ABCD3: variants seen among roughly 807,000 people sequenced by gnomAD.
ABCD3 encodes ATP binding cassette subfamily D member 3.
In ABCD3, 41 loss-of-function variants were observed where a neutral mutation model predicts 105.5. The observed-to-expected ratio is 0.39, with a 90% CI of 0.30 to 0.50. The LOEUF (loss-of-function observed/expected upper bound fraction) is 0.50. Among genes scored for constraint, ABCD3 ranks in the 20% least tolerant of loss-of-function variants. The pLI is 0.84. For synonymous variants in ABCD3, 258 were observed against 269.0 expected, an observed-to-expected ratio of 0.96 and a Z score of 0.40; for missense variants, 622 against 806.3, an observed-to-expected ratio of 0.77 and a Z score of 2.77.
At chr1:94,396,322 C>A in the ABCD3 span, among the ~76,000 whole-genome samples, 1 of 152,150 alleles carries the variant, frequency 6.6e-6, no homozygotes, top group Non-Finnish European at 1.5e-5. Context: ...TAAACAGAAG[C>A]TGTAATTATT....
At chr1:94,400,153 AC>A in the ABCD3 span, among the ~76,000 whole-genome samples, 1 of 152,292 alleles carries the variant, frequency 6.6e-6, no homozygotes, top group South Asian at 2.1e-4. Context: ...CCTGCCTGTA[AC>A]CCCAGCACTT....
intron 4 of ABCD3, among the ~76,000 whole-genome samples, chr1:94,469,926 A>C (rs1648370697): frequency 6.6e-6 from 1 of 151,938 alleles, no homozygotes; most frequent in East Asian, 1.9e-4. Flanking sequence ...CGGCCTCCCA[A>C]AGTGCTGGGT....
At chr1:94,390,451 C>T in the ABCD3 span, among the ~76,000 whole-genome samples, 17 of 152,052 alleles carry the variant, frequency 1.1e-4, no homozygotes, top group African/African-American at 2.9e-4. Context: ...TATAGGTGCA[C>T]GCTGCCAAGC....
the ABCD3 span, among the ~76,000 whole-genome samples, chr1:94,390,211 C>T: frequency 0.036 from 5,415 of 152,210 alleles, 116 homozygotes; most frequent in Non-Finnish European, 0.048. Context: ...TTACCATGGT[C>T]CATAGAGTTC....
intron 4 of ABCD3, among the ~76,000 whole-genome samples, chr1:94,470,214 T>A (rs1648383369): frequency 1.3e-5 from 2 of 152,238 alleles, no homozygotes; most frequent in African/African-American, 4.8e-5. Flanking sequence ...ATAATTTAGC[T>A]ATGTTTGTGC....
chr1:94,409,507 C>A, the ABCD3 span, among the ~76,000 whole-genome samples: 1 of 152,068 alleles, frequency 6.6e-6, no homozygotes, highest in Non-Finnish European at 1.5e-5. Context: ...TTAATTTAGA[C>A]CCACATTGTA....
Position 94,482,990 on chromosome 1 carries a change from G to A in ABCD3, c.828-180G>A, listed in dbSNP as rs77743243. On this transcript the variant is annotated intron_variant, in intron 9 of 22. Coordinates refer to ENST00000370214, the MANE Select transcript of ABCD3 (RefSeq NM_002858.4). Reference sequence around the variant, plus strand: ...AGTCAGGAGTGTATTCCTGTGCTCCGATCAGCTGAGCTAGGAACAGAATCT... The same window carrying A: ...AGTCAGGAGTGTATTCCTGTGCTCCAATCAGCTGAGCTAGGAACAGAATCT... The A allele has an allele frequency of 9.2e-4, 560 of 605,456 alleles. No individual in the cohort carries two copies. In the African/African-American group the frequency reaches 9.5e-3, roughly 10 times the overall value. 37.5% of individuals were successfully genotyped at this position (605,456 alleles called of 1,614,324 possible). A position where few individuals can be genotyped will look rare whatever the true frequency, so the allele number is the denominator to read the frequency against.
At chr1:94,461,935 A>G (rs1483660083) in intron 2 of ABCD3, among the ~76,000 whole-genome samples, 1 of 152,174 alleles carries the variant, frequency 6.6e-6, no homozygotes, top group Non-Finnish European at 1.5e-5. Flanking sequence ...ATGTATAGGA[A>G]TACTTATACT....
chr1:94,463,023 T>C (rs1647953157), intron 2 of ABCD3, among the ~76,000 whole-genome samples: 1 of 152,214 alleles, frequency 6.6e-6, no homozygotes, highest in Non-Finnish European at 1.5e-5. Context: ...AACTGGACTG[T>C]GAGTGGGGCT....
At chr1:94,495,285 TA>T (rs1649743449) in intron 16 of ABCD3, among the ~76,000 whole-genome samples, 1 of 152,198 alleles carries the variant, frequency 6.6e-6, no homozygotes, top group Non-Finnish European at 1.5e-5. Flanking sequence ...TTGGGGGGTA[TA>T]TTTTTATTGG....
chr1:94,503,160 G>A (rs1326566243), intron 20 of ABCD3, among the ~76,000 whole-genome samples: 24 of 152,072 alleles, frequency 1.6e-4, no homozygotes, highest in Admixed American at 1.6e-3. Context: ...CCAAAAAATT[G>A]GACACTCCTG....
In ABCD3 at chr1:94,499,481, C is replaced by A; in HGVS notation, c.1621-14C>A. The A allele has an allele frequency of 6.2e-7, 1 of 1,611,650 alleles. No homozygotes were observed. Among genetic ancestry groups the A allele is most frequent in the South Asian group, 1.1e-5 (1 of 90,944 alleles). On this transcript the variant is annotated splice_polypyrimidine_tract_variant and intron_variant, in intron 19 of 22. Transcript: ENST00000370214. The stretch of plus-strand genomic sequence containing the variant: ...TATTAAGTTTAATTTCATCTTTAAT[C>A]ATTTTGCTGAAAGGTACTGAAGGAA...
chr1:94,442,362 G>A (rs1660165550), intron 1 of ABCD3, among the ~76,000 whole-genome samples: 1 of 152,102 alleles, frequency 6.6e-6, no homozygotes, highest in Non-Finnish European at 1.5e-5. Context: ...TGCTGTGGAG[G>A]AACCCAATTT....
chr1:94,458,967 C>T (rs1173079784), intron 2 of ABCD3, among the ~76,000 whole-genome samples: 2 of 139,050 alleles, frequency 1.4e-5, no homozygotes, highest in African/African-American at 5.3e-5. Flanking sequence ...GCTTCCCTCC[C>T]CTCCTCCACC....
chr1:94,442,545 G>A, intron 1 of ABCD3, among the ~76,000 whole-genome samples: 1 of 152,154 alleles, frequency 6.6e-6, no homozygotes, highest in Non-Finnish European at 1.5e-5. Flanking sequence ...CAGCAGTGAA[G>A]TCTGGGCTTT....
intron 1 of ABCD3, among the ~76,000 whole-genome samples, chr1:94,421,660 C>T (rs1165857603): frequency 6.6e-6 from 1 of 151,756 alleles, no homozygotes. Context: ...AACTTAAACA[C>T]TGATAGCAGA....
In ABCD3 at chr1:94,507,278, A is replaced by T. The variant is rs1198516645; in HGVS notation, c.1845+636A>T. On this transcript the variant is annotated intron_variant, in intron 21 of 22. Coordinates refer to ENST00000370214, the MANE Select transcript of ABCD3 (RefSeq NM_002858.4). ...TTCTTGCGAAAGTTTACTGAGAATG[A>T]TGATTTCCAATTTCATCCATGTCCC... is the stretch of plus-strand genomic sequence containing the variant. 2.0e-5 allele frequency among the ~76,000 whole-genome samples: 3 copies of T among 152,212 alleles called. No homozygotes were observed. The East Asian group carries it at 5.8e-4, about 29-fold the overall frequency.
intron 1 of ABCD3, among the ~76,000 whole-genome samples, chr1:94,423,173 A>G (rs1270495646): frequency 6.6e-6 from 1 of 152,146 alleles, no homozygotes; most frequent in Non-Finnish European, 1.5e-5. Context: ...AACTCTTGTC[A>G]TCCTTGAAGG....
At chr1:94,464,919 T>C in intron 3 of ABCD3, 46 bp downstream of exon 3, 1 of 1,450,048 alleles carries the variant, frequency 6.9e-7, no homozygotes, top group Non-Finnish European at 9.7e-7. Flanking sequence ...GGCCGTTCTT[T>C]AATAAAATAC....
Sources: allele counts gnomAD v4.1 joint callset (sites outside exome capture counted in the v4.1 genomes callset), GRCh38; gene constraint gnomAD v4.1.1; transcripts MANE v1.5; gene names NCBI Gene and HGNC (gene_info 2026-07-23, HGNC 2026-07-21).